NOP2: variants seen among roughly 807,000 people sequenced by gnomAD.
NOP2 encodes the protein NOP2 nucleolar protein.
A neutral mutation model predicts 72.7 loss-of-function variants in NOP2; 7 were observed. That is an observed-to-expected ratio of 0.10 (90% CI 0.05 to 0.18). The LOEUF (loss-of-function observed/expected upper bound fraction) is 0.18. Among genes scored for constraint, NOP2 ranks in the 10% least tolerant of loss-of-function variants. The pLI is 1.00. For missense variants in NOP2, 954 were observed against 1,014.7 expected, an observed-to-expected ratio of 0.94 and a Z score of 0.81; for synonymous variants, 387 against 388.0, an observed-to-expected ratio of 1.00 and a Z score of 0.03.
chr12:6,560,793 G>A lies in NOP2; in HGVS notation c.1348-6C>T, dbSNP rs755254368. ...CGGTCAAAGCCCCCCACCACCTGGA[G>A]AAAAGATACAGATGAATCATATGTC... On this transcript the variant is annotated splice_polypyrimidine_tract_variant and splice_region_variant and intron_variant, in intron 12 of 15. Transcript: ENST00000322166. The surrounding 1 kb of genome is among the most constrained non-coding windows in gnomAD (Gnocchi z 5.0). The A allele has an allele frequency of 2.5e-6, 4 of 1,612,286 alleles. No homozygotes were observed. In the East Asian group the frequency reaches 8.9e-5, roughly 36 times the overall value.
chr12:6,557,473 G>A lies in NOP2; in HGVS notation c.1959C>T (p.Ile653=), dbSNP rs757303768. The change falls in exon 16 of 16, where the codon ATC becomes ATT. Residue 653 remains isoleucine, a synonymous_variant. Coordinates refer to ENST00000322166, the MANE Select transcript of NOP2 (RefSeq NM_001258308.2). The stretch of plus-strand genomic sequence containing the variant: ...ACAATTCTGAGTCTGCCCCTTTGGA[G>A]ATGCCATTCAGCTTCTGGAAGGAGG... ...KKASFQKLNG[I]SKGADSELST... is the part of the protein sequence containing the mutation. 1 of 1,613,992 alleles carries A rather than the reference G, an allele frequency of 6.2e-7. No individual in the cohort carries two copies.
intron 11 of NOP2, 80 bp from the exon 12 acceptor site, chr12:6,561,150 C>A (rs1592240564): frequency 6.4e-7 from 1 of 1,558,462 alleles, no homozygotes; most frequent in East Asian, 2.3e-5. Flanking sequence ...TCCAGGAATC[C>A]ACATGAGAAG....
chr12:6,558,043 A>G, intron 15 of NOP2: 1 of 346,838 alleles, frequency 2.9e-6, no homozygotes, highest in Non-Finnish European at 5.5e-6. Flanking sequence ...TGGGAGTCTG[A>G]GGCACAAGAA....
chr12:6,558,953 C>A (rs942370190), intron 15 of NOP2, among the ~76,000 whole-genome samples: 2 of 152,010 alleles, frequency 1.3e-5, no homozygotes, highest in African/African-American at 2.4e-5. Context: ...TAAGTTATAG[C>A]AAATTTTACT....
At chr12:6,567,252 T>G (rs554799561) in intron 2 of NOP2, among the ~76,000 whole-genome samples, 1 of 152,278 alleles carries the variant, frequency 6.6e-6, no homozygotes, top group South Asian at 2.1e-4. Context: ...GACTCTAAGA[T>G]GATTAAGCGA....
rs924201323 is a variant in NOP2 at position 6,560,644 on chromosome 12, A to G, written c.1437+54T>C. On this transcript the variant is annotated intron_variant, in intron 13 of 15. Transcript: ENST00000322166. The surrounding 1 kb of genome is among the most constrained non-coding windows in gnomAD (Gnocchi z 5.0). ...AGAGGGTGTCCCCATCTCAGTTTCC[A>G]GCTCTACGAGACCCAGCCAAGGCCT... The G allele has an allele frequency of 4.3e-6, 7 of 1,610,970 alleles. No homozygotes were observed. Among genetic ancestry groups the G allele is most frequent in the Non-Finnish European group, 5.9e-6 (7 of 1,177,940 alleles).
In NOP2 at chr12:6,557,014, G is replaced by GT. The variant is rs776693336; in HGVS notation, c.2417dup (p.Asn806LysfsTer11). ...CCATCTAAGATAGCAGCAGCTGGCT[G>GT]TTGCCCCTGGACTGAGATTTCTTCC... is the stretch of plus-strand genomic sequence containing the variant. On this transcript the variant is annotated frameshift_variant, in exon 16 of 16. Coordinates refer to ENST00000322166, the MANE Select transcript of NOP2 (RefSeq NM_001258308.2). LOFTEE classifies it low-confidence loss of function (END_TRUNC). The GT allele has an allele frequency of 6.2e-7, 1 of 1,614,036 alleles. No individual in the cohort carries two copies.
In NOP2 at chr12:6,560,919, C is replaced by T; in HGVS notation, c.1347+12G>A. ...GGAAGAAGCCTCAGAAGACACACAG[C>T]TCGAGTCTCACCTTGGGGAACTGGC... On this transcript the variant is annotated intron_variant, in intron 12 of 15. Coordinates refer to ENST00000322166, the MANE Select transcript of NOP2 (RefSeq NM_001258308.2). The surrounding 1 kb of genome is among the most constrained non-coding windows in gnomAD (Gnocchi z 5.0). 1 of 1,613,720 alleles carries T rather than the reference C, an allele frequency of 6.2e-7. No homozygotes were observed.
At chr12:6,559,983 G>C (rs558551912) in intron 15 of NOP2, 115 bp downstream of exon 15, 2 of 761,910 alleles carry the variant, frequency 2.6e-6, no homozygotes, top group Non-Finnish European at 4.3e-6. Context: ...GCATGCAAAG[G>C]CTGGAGTAAG....
Position 6,560,812 on chromosome 12 carries a change from A to C in NOP2, c.1348-25T>G, listed in dbSNP as rs187519552. 2.8e-5 allele frequency: 45 copies of C among 1,610,432 alleles called. No homozygotes were observed. Among genetic ancestry groups the C allele is most frequent in the Admixed American group, 1.8e-4 (11 of 59,510 alleles). On this transcript the variant is annotated intron_variant, in intron 12 of 15. Transcript: ENST00000322166. The surrounding 1 kb of genome is among the most constrained non-coding windows in gnomAD (Gnocchi z 5.0). ...CCTGGAGAAAAGATACAGATGAATC[A>C]TATGTCTCTTCTGCAACCAGCAGGG...
chr12:6,563,288 A>C, intron 8 of NOP2, 27 bp downstream of exon 8: 1 of 1,568,028 alleles, frequency 6.4e-7, no homozygotes, highest in Non-Finnish European at 8.7e-7. Flanking sequence ...AAAGAAAAGC[A>C]AAAGAGGCAT....
rs527863609 is a variant in NOP2 at position 6,560,402 on chromosome 12, C to G, written c.1560+45G>C. On this transcript the variant is annotated intron_variant, in intron 14 of 15. Transcript: ENST00000322166. This position sits in a 1 kb window ranked among gnomAD's most constrained non-coding sequence, Gnocchi z 5.0. ...GAAGGGAGCTCTAAGGGGCAAAGAG[C>G]CCCCCAGCCCAGCCTCCCCTGCTCT... The G allele has an allele frequency of 2.5e-6, 4 of 1,594,078 alleles. No homozygotes were observed. The highest frequency in any genetic ancestry group is 3.5e-5 in the Admixed American group (2 of 57,786).
rs1227362972 is a variant in NOP2, at chr12:6,558,283, C to CT, written c.1790-642dup. The CT allele has an allele frequency of 8.9e-4, 232 of 260,192 alleles. 1 individual carries two copies. The highest frequency in any genetic ancestry group is 5.3e-3 in the African/African-American group (210 of 39,662). 16.1% of individuals were successfully genotyped at this position (260,192 alleles called of 1,614,324 possible). A position where few individuals can be genotyped will look rare whatever the true frequency, so the allele number is the denominator to read the frequency against. The stretch of plus-strand genomic sequence containing the variant: ...CTCAGGGTTTTGGGGTTTTTTTTTT[C>CT]TTTTTTTGAGATGGAATCTCACTCT... On this transcript the variant is annotated intron_variant, in intron 15 of 15. Transcript: ENST00000322166.
At position 6,564,708 on chromosome 12, in the gene NOP2, T is replaced by C. The variant is rs189639686; in HGVS notation, c.475-762A>G. ...CCTCCCAAAGTGCTGGGATTACAGGTGTGAGCCACCGTGCCTGGCCCATTT... is the reference window on the plus strand; with the variant it reads ...CCTCCCAAAGTGCTGGGATTACAGGCGTGAGCCACCGTGCCTGGCCCATTT... On this transcript the variant is annotated intron_variant, in intron 5 of 15. Transcript: ENST00000322166. 4.0e-4 allele frequency among the ~76,000 whole-genome samples: 60 copies of C among 151,034 alleles called. 1 individual carries two copies. Among genetic ancestry groups the C allele is most frequent in the African/African-American group, 1.4e-3 (58 of 41,204 alleles).
At chr12:6,562,580 G>A (rs959982904) in intron 9 of NOP2, among the ~76,000 whole-genome samples, 1 of 152,096 alleles carries the variant, frequency 6.6e-6, no homozygotes, top group Non-Finnish European at 1.5e-5. Context: ...TTTCTAAGAG[G>A]CTGAGCCCCT....
In NOP2 at chr12:6,557,603, G is replaced by T. The variant is rs769492644; in HGVS notation, c.1829C>A (p.Pro610His). 1.9e-6 allele frequency: 3 copies of T among 1,613,406 alleles called. No individual in the cohort carries two copies. Among genetic ancestry groups the T allele is most frequent in the Admixed American group, 1.7e-5 (1 of 59,908 alleles). Reference sequence around the variant, plus strand: ...GTTCTCAGACTTGGGGATGACCTGAGGCAAGTCTACATTTGTAGGTGTGGC... The same window carrying T: ...GTTCTCAGACTTGGGGATGACCTGATGCAAGTCTACATTTGTAGGTGTGGC... The part of the protein sequence containing the change: ...ETATPTNVDL[P>H]QVIPKSENSS... Residue 610 changes from proline to histidine, a missense_variant, in exon 16 of 16, where the codon CCT (proline) becomes CAT (histidine). Pro to His is a moderately conservative substitution (Grantham distance 77). Coordinates refer to ENST00000322166, the MANE Select transcript of NOP2 (RefSeq NM_001258308.2).
In NOP2 at chr12:6,563,177, G is replaced by A; in HGVS notation, c.889-7C>T. 1 of 1,581,422 alleles carries A rather than the reference G, an allele frequency of 6.3e-7. No individual in the cohort carries two copies. The highest frequency in any genetic ancestry group is 8.6e-7 in the Non-Finnish European group (1 of 1,163,894). The stretch of plus-strand genomic sequence containing the variant: ...CTTCTAAGAACTCCACCAGCTGCGG[G>A]GCAAGACAGCAGGGAATAAGTGAGG... On this transcript the variant is annotated splice_polypyrimidine_tract_variant and splice_region_variant and intron_variant, in intron 8 of 15. Transcript: ENST00000322166.
rs1044022764 is a variant in NOP2, at chr12:6,557,225, G to A, written c.2207C>T (p.Thr736Ile). 1.1e-5 allele frequency: 18 copies of A among 1,614,040 alleles called. No individual in the cohort carries two copies. Among genetic ancestry groups the A allele is most frequent in the Non-Finnish European group, 1.5e-5 (18 of 1,179,906 alleles). The change falls in exon 16 of 16, where the codon ACT (threonine) becomes ATT (isoleucine). Residue 736 changes from threonine (T) to isoleucine (I), a missense_variant. Transcript: ENST00000322166. ...QTPAVLSPSK[T>I]QATLKPKDHH... ...GTCCTTAGGTTTCAGGGTGGCCTGA[G>A]TCTTGGATGGGGATAACACAGCCGG...
chr12:6,566,703 G>A (rs1947787985), intron 3 of NOP2, 74 bp downstream of exon 3: 8 of 1,591,672 alleles, frequency 5.0e-6, no homozygotes, highest in African/African-American at 2.7e-5. Context: ...AAATGTGAGA[G>A]TCTAGAATTA....
Sources: gnomAD v4.1 joint callset for allele counts (sites outside exome capture counted in the v4.1 genomes callset) on GRCh38, gnomAD v4.1.1 for gene constraint, Gnocchi (gnomAD v3.1) non-coding constraint, MANE v1.5 for transcripts, NCBI Gene and HGNC (gene_info 2026-07-23, HGNC 2026-07-21) for gene names.